The following IGSF3 variants were observed in gnomAD, a reference collection of about 807,000 sequenced individuals.
IGSF3 encodes glu-Trp-Ile EWI motif-containing protein 3.
Under a neutral mutation model 114.4 loss-of-function variants are expected in IGSF3, and 23 were observed. That is an observed-to-expected ratio of 0.20 (90% CI 0.14 to 0.28). IGSF3 has a LOEUF of 0.28. IGSF3 is among the 10% of genes least tolerant of loss of function. IGSF3 has a pLI of 1.00. For synonymous variants in IGSF3, 571 were observed against 645.2 expected, an observed-to-expected ratio of 0.88 and a Z score of 1.74; for missense variants, 1,172 against 1,591.5, an observed-to-expected ratio of 0.74 and a Z score of 4.48.
rs1008133055 is a variant in IGSF3 at position 116,614,020 on chromosome 1, C to T, written c.577G>A (p.Val193Met). The T allele has an allele frequency of 9.3e-6, 15 of 1,613,950 alleles. No individual in the cohort carries two copies. In the Admixed American group the frequency reaches 1.3e-4, roughly 14 times the overall value. The change falls in exon 4 of 11, where the codon GTG becomes ATG. Residue 193 changes from valine (V) to methionine (M), a missense_variant. Physicochemically the swap from Val to Met is conservative, Grantham distance 21. Coordinates refer to ENST00000369486, the MANE Select transcript of IGSF3 (RefSeq NM_001007237.3). This position sits in a 1 kb window ranked among gnomAD's most constrained non-coding sequence, Gnocchi z 4.5. ...TCTCGGCTCAGGGAGATGACCTCCA[C>T]GGGCTTCTCGCCAACTTTCTGCCGG... ...WLRQKVGEKP[V>M]EVISLSRDFM...
Position 116,579,837 on chromosome 1 carries a change from C to A in IGSF3, c.2889G>T (p.Thr963=). ...LQVDTVVPNA[T]VSEKAAFQLD... Reference sequence around the variant, plus strand: ...GCTGGAAAGCTGCCTTCTCAGAGACCGTGGCATTGGGGACCACTGTGTCCA... The same window carrying A: ...GCTGGAAAGCTGCCTTCTCAGAGACAGTGGCATTGGGGACCACTGTGTCCA... Residue 963 remains threonine, a synonymous_variant, in exon 10 of 11, where the codon ACG becomes ACT. Coordinates refer to ENST00000369486, the MANE Select transcript of IGSF3 (RefSeq NM_001007237.3). The surrounding 1 kb of genome is among the most constrained non-coding windows in gnomAD (Gnocchi z 6.4). 6.2e-7 allele frequency: 1 copy of A among 1,612,042 alleles called. No homozygotes were observed. Among genetic ancestry groups the A allele is most frequent in the Non-Finnish European group, 8.5e-7 (1 of 1,179,766 alleles).
intron 2 of IGSF3, among the ~76,000 whole-genome samples, chr1:116,641,557 AGAAG>A (rs111430968): frequency 9.2e-4 from 95 of 103,270 alleles, no homozygotes; most frequent in African/African-American, 2.6e-3. Flanking sequence ...AGAAAAAGAA[AGAAG>A]GAAAGAAAGA....
chr1:116,608,797 T>G (rs1395046593), intron 4 of IGSF3, among the ~76,000 whole-genome samples: 1 of 152,128 alleles, frequency 6.6e-6, no homozygotes, highest in Non-Finnish European at 1.5e-5. Context: ...AATTACAGAG[T>G]GGCCTAGGTG....
chr1:116,582,387 T>C lies in IGSF3; in HGVS notation c.2848+2258A>G, dbSNP rs557733377. 9.2e-5 allele frequency among the ~76,000 whole-genome samples: 14 copies of C among 152,324 alleles called. No homozygotes were observed. The highest frequency in any genetic ancestry group is 6.5e-4 in the Admixed American group (10 of 15,300). On this transcript the variant is annotated intron_variant, in intron 9 of 10. Coordinates refer to ENST00000369486, the MANE Select transcript of IGSF3 (RefSeq NM_001007237.3). This position sits in a 1 kb window ranked among gnomAD's most constrained non-coding sequence, Gnocchi z 4.7. ...CCAATTCCTGGCCTGTGTGTGATGA[T>C]TGTGGTTTTCTCCCTTCCCCAGTTG... is the stretch of plus-strand genomic sequence containing the variant.
rs1174728838 is a variant in IGSF3, at chr1:116,584,191, G to A, written c.2848+454C>T. 4.8e-5 allele frequency among the ~76,000 whole-genome samples: 5 copies of A among 103,300 alleles called. No individual in the cohort carries two copies. The highest frequency in any genetic ancestry group is 3.4e-4 in the African/African-American group (4 of 11,936). The allele number at this position is 103,300 out of a possible 152,430, so 67.8% of individuals were successfully genotyped here. A position where few individuals can be genotyped will look rare whatever the true frequency, so the allele number is the denominator to read the frequency against. Reference sequence around the variant, plus strand: ...AGCCTGGGTGACAGAGTGAGACTCCGTTTCAAAAAAAAAAAAGTATTGGGA... The same window carrying A: ...AGCCTGGGTGACAGAGTGAGACTCCATTTCAAAAAAAAAAAAGTATTGGGA... On this transcript the variant is annotated intron_variant, in intron 9 of 10. Transcript: ENST00000369486. This position sits in a 1 kb window ranked among gnomAD's most constrained non-coding sequence, Gnocchi z 5.8.
chr1:116,612,914 A>C lies in IGSF3; in HGVS notation c.832+851T>G, dbSNP rs1272461281. Among the ~76,000 whole-genome samples the C allele has an allele frequency of 6.6e-6, 1 of 152,244 alleles. No homozygotes were observed. The highest frequency in any genetic ancestry group is 1.5e-5 in the Non-Finnish European group (1 of 68,038). On this transcript the variant is annotated intron_variant, in intron 4 of 10. Transcript: ENST00000369486. The surrounding 1 kb of genome is among the most constrained non-coding windows in gnomAD (Gnocchi z 4.1). ...TGGTGGGCTCAGGAGACTGGGGAGT[A>C]GAGTCTGGGGCCACAGGAGATACCA...
Position 116,613,553 on chromosome 1 carries a change from G to C in IGSF3, c.832+212C>G, listed in dbSNP as rs552402197. On this transcript the variant is annotated intron_variant, in intron 4 of 10. Transcript: ENST00000369486. ...CATGTCTCTAAGCAGGACTCAGTCTGTGTGGCACCTGCCTGTGACTCAGGT... is the reference window on the plus strand; with the variant it reads ...CATGTCTCTAAGCAGGACTCAGTCTCTGTGGCACCTGCCTGTGACTCAGGT... Among the ~76,000 whole-genome samples the C allele has an allele frequency of 9.6e-4, 147 of 152,344 alleles. 1 individual carries two copies. The highest frequency in any genetic ancestry group is 1.9e-3 in the Non-Finnish European group (127 of 68,028).
chr1:116,594,910 C>A lies in IGSF3; in HGVS notation c.2029+5031G>T, dbSNP rs1368747537. Among the ~76,000 whole-genome samples, 1 of 152,172 alleles carries A rather than the reference C, an allele frequency of 6.6e-6. No homozygotes were observed. The highest frequency in any genetic ancestry group is 1.5e-5 in the Non-Finnish European group (1 of 68,028). ...CCTACCCCATTCCCTCCTCACGCCC[C>A]CTGCCCCCGTTCATGCCCTGTGCTG... On this transcript the variant is annotated intron_variant, in intron 7 of 10. Transcript: ENST00000369486. This position sits in a 1 kb window ranked among gnomAD's most constrained non-coding sequence, Gnocchi z 5.2.
chr1:116,608,054 A>C lies in IGSF3; in HGVS notation c.1110T>G (p.Asp370Glu). 2 of 1,613,896 alleles carry C rather than the reference A, an allele frequency of 1.2e-6. No individual in the cohort carries two copies. The highest frequency in any genetic ancestry group is 1.7e-6 in the Non-Finnish European group (2 of 1,179,826). The change falls in exon 5 of 11, where the codon GAT becomes GAG. Residue 370 changes from aspartate to glutamate, a missense_variant. This residue lies in a region of IGSF3 where 736 missense variants were observed against 1,042.0 expected (regional missense o/e 0.71). Coordinates refer to ENST00000369486, the MANE Select transcript of IGSF3 (RefSeq NM_001007237.3). ...VLKIYHLRQE[D>E]SGKYNCRVTE... ...TCACCCGGCAGTTGTATTTCCCGCT[A>C]TCTTCCTGGCGGAGGTGGTAGATCT...
rs774208750 is a variant in IGSF3 at position 116,616,364 on chromosome 1, C to T, written c.137G>A (p.Gly46Asp). The T allele has an allele frequency of 3.8e-5, 62 of 1,612,032 alleles. No individual in the cohort carries two copies. The South Asian group carries it at 6.7e-4, about 17-fold the overall frequency. Residue 46 changes from glycine (G) to aspartate (D), a missense_variant, in exon 3 of 11, where the codon GGC (glycine) becomes GAC (aspartate). Physicochemically the swap from Gly to Asp is moderately conservative, Grantham distance 94. This residue lies in a region of IGSF3 where 736 missense variants were observed against 1,042.0 expected (regional missense o/e 0.71). Coordinates refer to ENST00000369486, the MANE Select transcript of IGSF3 (RefSeq NM_001007237.3). This position sits in a 1 kb window ranked among gnomAD's most constrained non-coding sequence, Gnocchi z 6.6. ...ATTCTGCTCAGAAGGTCCCTGGTAG[C>T]CACTCACATTGCACCAGATAGTGAT... is the stretch of plus-strand genomic sequence containing the variant. ...SHITIWCNVSGYQGPSEQNFQ... is the reference protein window; with the variant it reads ...SHITIWCNVSDYQGPSEQNFQ...
At position 116,577,161 on chromosome 1, in the gene IGSF3, T is replaced by A. The variant is rs531895439; in HGVS notation, c.*151A>T. ...CTGCCACCGAGAGGCAGTCTGTCTC[T>A]GTGACTGACTGGGAACTTGGAACAC... On this transcript the variant is annotated 3_prime_UTR_variant, in exon 11 of 11. Transcript: ENST00000369486. This position sits in a 1 kb window ranked among gnomAD's most constrained non-coding sequence, Gnocchi z 5.7. 6.2e-6 allele frequency: 5 copies of A among 808,904 alleles called. No homozygotes were observed. The highest frequency in any genetic ancestry group is 7.6e-6 in the Non-Finnish European group (4 of 523,012). The allele number at this position is 808,904 out of a possible 1,614,324, so 50.1% of individuals were successfully genotyped here.
chr1:116,623,704 G>A (rs1391555938), intron 2 of IGSF3, among the ~76,000 whole-genome samples: 1 of 152,066 alleles, frequency 6.6e-6, no homozygotes, highest in Non-Finnish European at 1.5e-5. Context: ...GATGGCACAA[G>A]TGGAACCATA....
chr1:116,589,735 CAT>C lies in IGSF3; in HGVS notation c.2030-633_2030-632del, dbSNP rs1216197698. On this transcript the variant is annotated intron_variant, in intron 7 of 10. Coordinates refer to ENST00000369486, the MANE Select transcript of IGSF3 (RefSeq NM_001007237.3). The surrounding 1 kb of genome is among the most constrained non-coding windows in gnomAD (Gnocchi z 5.7). ...TATATCTCTGGGCTGTGTGTCCTCACATCTCTCTCCCATATCCTAGATGGTGA... is the reference window on the plus strand; with the variant it reads ...TATATCTCTGGGCTGTGTGTCCTCACCTCTCTCCCATATCCTAGATGGTGA... Among the ~76,000 whole-genome samples, 2 of 152,168 alleles carry C rather than the reference CAT, an allele frequency of 1.3e-5. No homozygotes were observed. The highest frequency in any genetic ancestry group is 2.9e-5 in the Non-Finnish European group (2 of 68,024).
At chr1:116,578,884 C>T (rs2101286499) in intron 10 of IGSF3, among the ~76,000 whole-genome samples, 1 of 152,284 alleles carries the variant, frequency 6.6e-6, no homozygotes, top group East Asian at 1.9e-4. Flanking sequence ...AATATCACAG[C>T]CCTTCTAGGC....
rs748987806 is a variant in IGSF3 at position 116,616,288 on chromosome 1, G to C, written c.213C>G (p.Ile71Met). 6.2e-7 allele frequency: 1 copy of C among 1,610,296 alleles called. No individual in the cohort carries two copies. Among genetic ancestry groups the C allele is most frequent in the South Asian group, 1.1e-5 (1 of 90,962 alleles). Residue 71 changes from isoleucine to methionine, a missense_variant, in exon 3 of 11, where the codon ATC becomes ATG. Around this residue, in one of 3 missense-constraint regions of IGSF3, gnomAD observed 736 missense variants for 1,042.0 expected, o/e 0.71. Coordinates refer to ENST00000369486, the MANE Select transcript of IGSF3 (RefSeq NM_001007237.3). This position sits in a 1 kb window ranked among gnomAD's most constrained non-coding sequence, Gnocchi z 6.6. ...LPSSPEREVQ[I>M]VSTMDSSFPY... ...GGAAGGAAGAGTCCATGGTGCTGAC[G>C]ATCTGCACCTCTCGCTCTGGCGACG...
In IGSF3 at chr1:116,642,187, C is replaced by T. The variant is rs1648137651; in HGVS notation, c.43+24097G>A. On this transcript the variant is annotated intron_variant, in intron 2 of 10. Transcript: ENST00000369486. The surrounding 1 kb of genome is among the most constrained non-coding windows in gnomAD (Gnocchi z 5.4). ...AACATTTCATTTTTTTCCCACACAC[C>T]TCGCATCTGATTTTTGATTTTTAAC... Among the ~76,000 whole-genome samples the T allele has an allele frequency of 6.6e-6, 1 of 151,952 alleles. No homozygotes were observed. The highest frequency in any genetic ancestry group is 2.4e-5 in the African/African-American group (1 of 41,354).
rs1160607278 is a variant in IGSF3 at position 116,651,129 on chromosome 1, A to T, written c.43+15155T>A. The stretch of plus-strand genomic sequence containing the variant: ...ATGCCTAGCCATAACTGAGCACATC[A>T]CAGACTCACACAAATCTGTGGAATG... On this transcript the variant is annotated intron_variant, in intron 2 of 10. Transcript: ENST00000369486. This position sits in a 1 kb window ranked among gnomAD's most constrained non-coding sequence, Gnocchi z 4.4. Among the ~76,000 whole-genome samples, 1 of 152,242 alleles carries T rather than the reference A, an allele frequency of 6.6e-6. No individual in the cohort carries two copies. The highest frequency in any genetic ancestry group is 6.5e-5 in the Admixed American group (1 of 15,288).
At chr1:116,586,622 G>A (rs921920020) in intron 8 of IGSF3, among the ~76,000 whole-genome samples, 11 of 152,108 alleles carry the variant, frequency 7.2e-5, no homozygotes, top group Non-Finnish European at 1.5e-4. Context: ...TAGTCCTTCC[G>A]CACTGTCCCA....
chr1:116,643,431 C>T (rs1378569533), intron 2 of IGSF3, among the ~76,000 whole-genome samples: 6 of 152,230 alleles, frequency 3.9e-5, no homozygotes, highest in South Asian at 2.1e-4. Context: ...CTCACTCCTC[C>T]GACAGTCGTT....
Sources: allele counts gnomAD v4.1 joint callset (sites outside exome capture counted in the v4.1 genomes callset), GRCh38; gene constraint gnomAD v4.1.1; regional missense constraint gnomAD v4.1.1; non-coding constraint Gnocchi (gnomAD v3.1); transcripts MANE v1.5; gene names NCBI Gene and HGNC (gene_info 2026-07-23, HGNC 2026-07-21).